JPH4: variants seen among roughly 807,000 people sequenced by gnomAD.
The protein encoded by JPH4 is junctophilin-4.
JPH4 carries 18 observed loss-of-function variants against 57.6 expected under a neutral mutation model. The ratio of observed to expected loss-of-function variants is 0.31; its 90% CI spans 0.22 to 0.46. JPH4 has a LOEUF of 0.46. Among genes scored for constraint, JPH4 ranks in the 20% least tolerant of loss-of-function variants. JPH4 has a pLI of 1.00. For missense variants in JPH4, 727 were observed against 911.1 expected (o/e 0.80, Z 2.60); for synonymous variants, 425 against 406.6 (o/e 1.05, Z -0.54).
At position 23,577,808 on chromosome 14, in the gene JPH4, G is replaced by C. The variant is rs1408942116; in HGVS notation, c.-171-184C>G. 2 of 183,720 alleles carry C rather than the reference G, an allele frequency of 1.1e-5. No homozygotes were observed. Among genetic ancestry groups the C allele is most frequent in the Admixed American group, 1.2e-4 (2 of 16,022 alleles). 11.4% of individuals were successfully genotyped at this position (183,720 alleles called of 1,614,324 possible). On this transcript the variant is annotated intron_variant, in intron 1 of 5. Transcript: ENST00000356300. This position sits in a 1 kb window ranked among gnomAD's most constrained non-coding sequence, Gnocchi z 8.4. The stretch of plus-strand genomic sequence containing the variant: ...GGGCTTCCCCCATTTCTGTCTTTGT[G>C]GAGCGGGCCCCTCCCAGGACTTGGG...
In JPH4 at chr14:23,568,661, C is replaced by T; in HGVS notation, c.*973G>A. On this transcript the variant is annotated 3_prime_UTR_variant, in exon 6 of 6. Coordinates refer to ENST00000356300, the MANE Select transcript of JPH4 (RefSeq NM_001146028.2). ...GTCTGGTCCTATCCCCCAGAAGTGC[C>T]TCCTCCCACCACAACTCCCAGAGTT... The T allele has an allele frequency of 4.1e-6, 4 of 985,944 alleles. No individual in the cohort carries two copies. Among genetic ancestry groups the T allele is most frequent in the Non-Finnish European group, 4.8e-6 (4 of 829,986 alleles). The allele number at this position is 985,944 out of a possible 1,614,324, so 61.1% of individuals were successfully genotyped here.
Position 23,577,582 on chromosome 14 carries a change from G to A in JPH4, c.-129C>T. On this transcript the variant is annotated 5_prime_UTR_variant, in exon 2 of 6. Transcript: ENST00000356300. This position sits in a 1 kb window ranked among gnomAD's most constrained non-coding sequence, Gnocchi z 8.4. ...AGTTAGACCGGGGCCGGGCGGGGGGGCCCCAGCGAGGGCAGGCAGGGCCGG... is the reference window on the plus strand; with the variant it reads ...AGTTAGACCGGGGCCGGGCGGGGGGACCCCAGCGAGGGCAGGCAGGGCCGG... 1.4e-6 allele frequency: 1 copy of A among 721,280 alleles called. No homozygotes were observed. Among genetic ancestry groups the A allele is most frequent in the Non-Finnish European group, 2.0e-6 (1 of 493,458 alleles). 44.7% of individuals were successfully genotyped at this position (721,280 alleles called of 1,614,324 possible). A position where few individuals can be genotyped will look rare whatever the true frequency, so the allele number is the denominator to read the frequency against.
At chr14:23,572,543 C>G (rs1889178361) in intron 3 of JPH4, among the ~76,000 whole-genome samples, 1 of 151,942 alleles carries the variant, frequency 6.6e-6, no homozygotes, top group African/African-American at 2.4e-5. Context: ...ACTGTCACTT[C>G]TCCTTACTAT....
At position 23,571,099 on chromosome 14, in the gene JPH4, C is replaced by T; in HGVS notation, c.1632G>A (p.Glu544=). Residue 544 remains glutamate, a synonymous_variant, in exon 5 of 6, where the codon GAG becomes GAA. Coordinates refer to ENST00000356300, the MANE Select transcript of JPH4 (RefSeq NM_001146028.2). This position sits in a 1 kb window ranked among gnomAD's most constrained non-coding sequence, Gnocchi z 4.6. The part of the protein sequence containing the change: ...GCSDSSGSLR[E]EEGEDEEPLP... ...GGGGCTCTTCATCCTCCCCCTCCTCCTCTCGAAGACTTCCTGAACTGTCGC... is the reference window on the plus strand; with the variant it reads ...GGGGCTCTTCATCCTCCCCCTCCTCTTCTCGAAGACTTCCTGAACTGTCGC... The T allele has an allele frequency of 6.2e-7, 1 of 1,614,012 alleles. No individual in the cohort carries two copies. Among genetic ancestry groups the T allele is most frequent in the African/African-American group, 1.3e-5 (1 of 75,044 alleles).
intron 3 of JPH4, chr14:23,572,780 G>C (rs1889183259): frequency 1.5e-6 from 1 of 671,120 alleles, no homozygotes; most frequent in East Asian, 2.7e-5. Context: ...TCTCACCATT[G>C]CAACTACACT....
At position 23,577,744 on chromosome 14, in the gene JPH4, G is replaced by T; in HGVS notation, c.-171-120C>A. The T allele has an allele frequency of 3.2e-6, 1 of 315,416 alleles. No homozygotes were observed. Among genetic ancestry groups the T allele is most frequent in the Non-Finnish European group, 5.8e-6 (1 of 172,436 alleles). 19.5% of individuals were successfully genotyped at this position (315,416 alleles called of 1,614,324 possible). A position where few individuals can be genotyped will look rare whatever the true frequency, so the allele number is the denominator to read the frequency against. On this transcript the variant is annotated intron_variant, in intron 1 of 5. Coordinates refer to ENST00000356300, the MANE Select transcript of JPH4 (RefSeq NM_001146028.2). This position sits in a 1 kb window ranked among gnomAD's most constrained non-coding sequence, Gnocchi z 8.4. The stretch of plus-strand genomic sequence containing the variant: ...CCCCCCAATCCACCCCCCTCCTTTG[G>T]CAGCATCTTCCAGCAGCCCCCAAGC...
chr14:23,572,570 C>T (rs1048780415), intron 3 of JPH4, among the ~76,000 whole-genome samples: 5 of 152,032 alleles, frequency 3.3e-5, no homozygotes, highest in Non-Finnish European at 1.5e-5. Flanking sequence ...TACCTCTACC[C>T]GTACAGATTT....
rs748729113 is a variant in JPH4 at position 23,571,046 on chromosome 14, G to T, written c.1685C>A (p.Thr562Lys). 1.2e-6 allele frequency: 2 copies of T among 1,607,102 alleles called. No homozygotes were observed. The highest frequency in any genetic ancestry group is 2.2e-5 in the South Asian group (2 of 89,686). The change falls in exon 5 of 6, where the codon ACG becomes AAG. Residue 562 changes from threonine (T) to lysine (K), a missense_variant. This residue lies in a region of JPH4 where 293 missense variants were observed against 279.8 expected (regional missense o/e 1.05). Coordinates refer to ENST00000356300, the MANE Select transcript of JPH4 (RefSeq NM_001146028.2). The surrounding 1 kb of genome is among the most constrained non-coding windows in gnomAD (Gnocchi z 4.6). Reference protein sequence around the residue: ...PLPPLRAPAGTEPEPIAMLVL... With the variant: ...PLPPLRAPAGKEPEPIAMLVL... Reference sequence around the variant, plus strand: ...CAGCATGGCGATGGGCTCAGGCTCCGTGCCTGCTGGGGCCCTCAGCGGGGG... The same window carrying T: ...CAGCATGGCGATGGGCTCAGGCTCCTTGCCTGCTGGGGCCCTCAGCGGGGG...
At position 23,577,395 on chromosome 14, in the gene JPH4, TC is replaced by T; in HGVS notation, c.58del (p.Glu20ArgfsTer72). The T allele has an allele frequency of 1.4e-6, 2 of 1,477,212 alleles. No homozygotes were observed. The highest frequency in any genetic ancestry group is 9.0e-7 in the Non-Finnish European group (1 of 1,116,494). The allele number at this position is 1,477,212 out of a possible 1,614,324, so 91.5% of individuals were successfully genotyped here. Reference protein sequence around the residue: ...DDGGCYVGGWEAGRAHGYGVC... With the variant: ...DDGGCYVGGWXAGRAHGYGVC... ...GCCGTAGCCATGTGCCCGCCCCGCC[TC>T]CCAGCCCCCCACGTAGCAGCCCCCG... On this transcript the variant is annotated frameshift_variant, in exon 2 of 6. Coordinates refer to ENST00000356300, the MANE Select transcript of JPH4 (RefSeq NM_001146028.2). LOFTEE classifies it high-confidence loss of function. This position sits in a 1 kb window ranked among gnomAD's most constrained non-coding sequence, Gnocchi z 8.4.
At position 23,571,689 on chromosome 14, in the gene JPH4, G is replaced by GT. The variant is rs1010957468; in HGVS notation, c.1270+112dup. 9.6e-6 allele frequency: 11 copies of GT among 1,141,848 alleles called. No homozygotes were observed. The highest frequency in any genetic ancestry group is 9.2e-5 in the African/African-American group (6 of 65,454). The allele number at this position is 1,141,848 out of a possible 1,614,324, so 70.7% of individuals were successfully genotyped here. ...TGTGTTCCTTGCACCCTCATTCCTTGTTTTTTCCCATCCCCACTTCCCTTG... is the reference window on the plus strand; with the variant it reads ...TGTGTTCCTTGCACCCTCATTCCTTGTTTTTTTCCCATCCCCACTTCCCTTG... On this transcript the variant is annotated intron_variant, in intron 4 of 5. Transcript: ENST00000356300. This position sits in a 1 kb window ranked among gnomAD's most constrained non-coding sequence, Gnocchi z 4.6.
In JPH4 at chr14:23,569,380, A is replaced by C. The variant is rs1422996105; in HGVS notation, c.*254T>G. The C allele has an allele frequency of 2.1e-6, 1 of 482,252 alleles. No individual in the cohort carries two copies. The highest frequency in any genetic ancestry group is 3.8e-6 in the Non-Finnish European group (1 of 265,492). The allele number at this position is 482,252 out of a possible 1,614,324, so 29.9% of individuals were successfully genotyped here. On this transcript the variant is annotated 3_prime_UTR_variant, in exon 6 of 6. Coordinates refer to ENST00000356300, the MANE Select transcript of JPH4 (RefSeq NM_001146028.2). The surrounding 1 kb of genome is among the most constrained non-coding windows in gnomAD (Gnocchi z 4.8). The stretch of plus-strand genomic sequence containing the variant: ...AGAGAAAAGCCCTTCATATGTAAAC[A>C]ATCTAGAGAAAGAAGGGGTTGGGAT...
chr14:23,573,619 T>A (rs1595394518), intron 3 of JPH4, among the ~76,000 whole-genome samples: 1 of 152,202 alleles, frequency 6.6e-6, no homozygotes, highest in African/African-American at 2.4e-5. Context: ...TCAGGCTACC[T>A]GGCAGAGGCA....
chr14:23,571,747 C>T lies in JPH4; in HGVS notation c.1270+55G>A. Reference sequence around the variant, plus strand: ...TCTCATCTGTTTCCCCACACCTGAGCCTCTCTAGCTCCCTAGGGGCCTCAC... The same window carrying T: ...TCTCATCTGTTTCCCCACACCTGAGTCTCTCTAGCTCCCTAGGGGCCTCAC... On this transcript the variant is annotated intron_variant, in intron 4 of 5. Transcript: ENST00000356300. The surrounding 1 kb of genome is among the most constrained non-coding windows in gnomAD (Gnocchi z 4.6). The T allele has an allele frequency of 6.7e-7, 1 of 1,487,466 alleles. No homozygotes were observed. 92.1% of individuals were successfully genotyped at this position (1,487,466 alleles called of 1,614,324 possible). A position where few individuals can be genotyped will look rare whatever the true frequency, so the allele number is the denominator to read the frequency against.
In JPH4 at chr14:23,577,714, C is replaced by A. The variant is rs527436756; in HGVS notation, c.-171-90G>T. On this transcript the variant is annotated intron_variant, in intron 1 of 5. Transcript: ENST00000356300. This position sits in a 1 kb window ranked among gnomAD's most constrained non-coding sequence, Gnocchi z 8.4. ...TGGCCCGGTGGCTCTGGGGCATCAG[C>A]GCCGCCCCCCAATCCACCCCCCTCC... 2.4e-5 allele frequency: 9 copies of A among 371,110 alleles called. No homozygotes were observed. Among genetic ancestry groups the A allele is most frequent in the South Asian group, 1.2e-4 (1 of 8,440 alleles). 23.0% of individuals were successfully genotyped at this position (371,110 alleles called of 1,614,324 possible).
At position 23,576,545 on chromosome 14, in the gene JPH4, G is replaced by C. The variant is rs564501979; in HGVS notation, c.380-89C>G. 13 of 1,151,052 alleles carry C rather than the reference G, an allele frequency of 1.1e-5. No individual in the cohort carries two copies. The highest frequency in any genetic ancestry group is 1.5e-5 in the Non-Finnish European group (13 of 893,168). 71.3% of individuals were successfully genotyped at this position (1,151,052 alleles called of 1,614,324 possible). On this transcript the variant is annotated intron_variant, in intron 2 of 5. Transcript: ENST00000356300. This position sits in a 1 kb window ranked among gnomAD's most constrained non-coding sequence, Gnocchi z 8.0. ...GTCCCAAGCGCCCCTGGAAGCCCAA[G>C]CGTCAGGCGGGAGAGATGGAGGCAG...
At position 23,576,221 on chromosome 14, in the gene JPH4, G is replaced by T. The variant is rs1566680290; in HGVS notation, c.615C>A (p.Gly205=). The change falls in exon 3 of 6, where the codon GGC becomes GGA. Residue 205 remains glycine (G), a synonymous_variant. Coordinates refer to ENST00000356300, the MANE Select transcript of JPH4 (RefSeq NM_001146028.2). The surrounding 1 kb of genome is among the most constrained non-coding windows in gnomAD (Gnocchi z 8.0). ...CCGGAGTGCGCTTTCGGGACGACGC[G>T]CCGTCGGCGTCCCCGGGCCCGGCCA... ...FVLAGPGDAD[G]ASSRKRTPAA... The T allele has an allele frequency of 4.7e-6, 6 of 1,273,628 alleles. No individual in the cohort carries two copies. The highest frequency in any genetic ancestry group is 9.9e-7 in the Non-Finnish European group (1 of 1,011,594). The allele number at this position is 1,273,628 out of a possible 1,614,324, so 78.9% of individuals were successfully genotyped here.
rs1406367594 is a variant in JPH4 at position 23,569,465 on chromosome 14, G to C, written c.*169C>G. ...GAAGAAATGAGATAATCTGAAAGAA[G>C]ACAGGGAAAGAAAAAGCGAGAGAAA... On this transcript the variant is annotated 3_prime_UTR_variant, in exon 6 of 6. Transcript: ENST00000356300. This position sits in a 1 kb window ranked among gnomAD's most constrained non-coding sequence, Gnocchi z 4.8. The C allele has an allele frequency of 1.6e-6, 1 of 637,164 alleles. No homozygotes were observed. Among genetic ancestry groups the C allele is most frequent in the Non-Finnish European group, 2.8e-6 (1 of 353,610 alleles). 39.5% of individuals were successfully genotyped at this position (637,164 alleles called of 1,614,324 possible).
At chr14:23,572,491 G>T (rs1387451059) in intron 3 of JPH4, among the ~76,000 whole-genome samples, 2 of 151,346 alleles carry the variant, frequency 1.3e-5, no homozygotes, top group Non-Finnish European at 2.9e-5. Context: ...CAGAGCCACC[G>T]TCTCCCTTAT....
At position 23,571,226 on chromosome 14, in the gene JPH4, G is replaced by C; in HGVS notation, c.1505C>G (p.Ala502Gly). 1 of 1,588,856 alleles carries C rather than the reference G, an allele frequency of 6.3e-7. No homozygotes were observed. Among genetic ancestry groups the C allele is most frequent in the East Asian group, 2.3e-5 (1 of 44,390 alleles). The change falls in exon 5 of 6, where the codon GCA becomes GGA. Residue 502 changes from alanine to glycine, a missense_variant. Ala to Gly is a moderately conservative substitution (Grantham distance 60). This residue lies in a region of JPH4 where 293 missense variants were observed against 279.8 expected (regional missense o/e 1.05). Coordinates refer to ENST00000356300, the MANE Select transcript of JPH4 (RefSeq NM_001146028.2). This position sits in a 1 kb window ranked among gnomAD's most constrained non-coding sequence, Gnocchi z 4.6. ...AGCTAGTTCCTCTGCCTGTGCGCCT[G>C]CCCCCCCCCACTCCTCAGGCCAAGC... ...PKAWPEEWGGAGAQAEELAGY... is the reference protein window; with the variant it reads ...PKAWPEEWGGGGAQAEELAGY...
Sources: allele counts gnomAD v4.1 joint callset (sites outside exome capture counted in the v4.1 genomes callset), GRCh38; gene constraint gnomAD v4.1.1; regional missense constraint gnomAD v4.1.1; non-coding constraint Gnocchi (gnomAD v3.1); transcripts MANE v1.5; gene names NCBI Gene and HGNC (gene_info 2026-07-23, HGNC 2026-07-21).